The following DYSF variants were observed in gnomAD, a reference collection of about 807,000 sequenced individuals.
DYSF encodes dystrophy-associated fer-1-like 1.
In DYSF, 212 loss-of-function variants were observed where a neutral mutation model predicts 274.9. The observed-to-expected ratio is 0.77, with a 90% confidence interval of 0.69 to 0.86. DYSF has a LOEUF of 0.86. Among genes scored for constraint, DYSF ranks in the 40% least tolerant of loss-of-function variants. The probability of loss-of-function intolerance (pLI) is 0.00; values close to 1 mark genes in which losing one functional copy is unlikely to be tolerated. For synonymous variants in DYSF, 1,091 were observed against 1,078.7 expected (o/e 1.01, Z -0.22); for missense variants, 2,666 against 2,783.2 (o/e 0.96, Z 0.95).
intron 41 of DYSF, among the ~76,000 whole-genome samples, chr2:71,622,005 C>T (rs540892390): frequency 7.9e-5 from 12 of 151,082 alleles, no homozygotes; most frequent in Admixed American, 6.0e-4. Flanking sequence ...CATGAACATT[C>T]GTAAACTTTT....
rs1168418060 is a variant in DYSF, at chr2:71,679,169, T to C, written c.5997T>C (p.Phe1999=). 1 of 1,614,098 alleles carries C rather than the reference T, an allele frequency of 6.2e-7. No homozygotes were observed. Residue 1999 remains phenylalanine, a synonymous_variant, in exon 53 of 56, where the codon TTT becomes TTC. Transcript: ENST00000410020. The part of the protein sequence containing the change: ...AFHPEWFVSL[F]EQKTVKGWWP... ...ACCCAGAATGGTTTGTGTCCCTTTT[T>C]GAGCAGAAAACAGTGAAGGGCTGGT...
chr2:71,656,148 C>A lies in DYSF; in HGVS notation c.4627-14C>A. ...CTGTCTCTTGTCCCCTCCTCTAATC[C>A]CCATGTGTGGCAGGTCTATGACACA... On this transcript the variant is annotated splice_polypyrimidine_tract_variant and intron_variant, in intron 42 of 55. Transcript: ENST00000410020. 6.2e-7 allele frequency: 1 copy of A among 1,614,010 alleles called. No individual in the cohort carries two copies. Among genetic ancestry groups the A allele is most frequent in the Non-Finnish European group, 8.5e-7 (1 of 1,179,982 alleles).
At chr2:71,470,777 C>CTTCCTTCA (rs1382927776) in intron 1 of DYSF, among the ~76,000 whole-genome samples, 1 of 125,586 alleles carries the variant, frequency 8.0e-6, no homozygotes, top group Non-Finnish European at 1.6e-5. Context: ...TCCTTCCTTC[C>CTTCCTTCA]TTCCTTCATT....
chr2:71,578,028 T>G (rs891764379), intron 30 of DYSF, among the ~76,000 whole-genome samples: 11 of 152,316 alleles, frequency 7.2e-5, no homozygotes, highest in Admixed American at 6.5e-4. Flanking sequence ...ACCTCACTCG[T>G]GCAAGTAACT....
intron 11 of DYSF, 78 bp from the exon 12 acceptor site, chr2:71,520,711 C>A: frequency 7.9e-7 from 1 of 1,261,776 alleles, no homozygotes; most frequent in South Asian, 1.2e-5. Flanking sequence ...CCTGTGCAGT[C>A]CATCCTGGGT....
intron 21 of DYSF, among the ~76,000 whole-genome samples, chr2:71,554,491 G>A (rs1656333474): frequency 6.6e-6 from 1 of 152,076 alleles, no homozygotes; most frequent in Non-Finnish European, 1.5e-5. Flanking sequence ...CATCAGGAAG[G>A]CATCATAGGC....
At chr2:71,551,523 C>A in intron 18 of DYSF, 84 bp from the exon 19 acceptor site, 1 of 1,195,672 alleles carries the variant, frequency 8.4e-7, no homozygotes, top group Non-Finnish European at 1.2e-6. Flanking sequence ...GAGAGATGAG[C>A]TACCTCAGGG....
chr2:71,549,991 G>C (rs2090811665), intron 17 of DYSF, among the ~76,000 whole-genome samples: 1 of 152,134 alleles, frequency 6.6e-6, no homozygotes, highest in South Asian at 2.1e-4. Context: ...TCCCTGTCCT[G>C]GCCCCTTCCT....
intron 42 of DYSF, 64 bp downstream of exon 42, chr2:71,644,127 C>A: frequency 7.6e-7 from 1 of 1,324,074 alleles, no homozygotes; most frequent in Non-Finnish European, 1.1e-6. Flanking sequence ...GGAGACACAA[C>A]AGAAAGAGAG....
intron 52 of DYSF, among the ~76,000 whole-genome samples, chr2:71,677,035 T>C (rs565551939): frequency 6.6e-6 from 1 of 152,146 alleles, no homozygotes; most frequent in South Asian, 2.1e-4. Context: ...ACTGGAGGGA[T>C]GGAGAAATAT....
intron 16 of DYSF, among the ~76,000 whole-genome samples, chr2:71,538,327 G>T (rs1010837802): frequency 2.0e-5 from 3 of 152,196 alleles, no homozygotes; most frequent in Admixed American, 2.0e-4. Flanking sequence ...CATAGGATGT[G>T]GTTGGCTAAT....
chr2:71,553,747 A>C (rs1573947436), intron 20 of DYSF, 60 bp from the exon 21 acceptor site: 4 of 872,710 alleles, frequency 4.6e-6, no homozygotes, highest in African/African-American at 1.7e-5. Context: ...CACTCTTAGC[A>C]CCCCATCCCA....
chr2:71,508,397 TTTG>T (rs1318721825), intron 4 of DYSF, among the ~76,000 whole-genome samples: 2 of 152,230 alleles, frequency 1.3e-5, no homozygotes, highest in African/African-American at 4.8e-5. Flanking sequence ...CCCAGTGTCC[TTTG>T]TAGCAGAAGG....
chr2:71,673,374 G>A (rs562926121), intron 51 of DYSF, among the ~76,000 whole-genome samples: 2 of 152,314 alleles, frequency 1.3e-5, no homozygotes, highest in Admixed American at 6.5e-5. Flanking sequence ...TGTTCCAGGC[G>A]AGCTGGTCTG....
Position 71,620,573 on chromosome 2 carries a change from C to A in DYSF, c.4491C>A (p.Ala1497=). Residue 1497 remains alanine (A), a synonymous_variant, in exon 41 of 56, where the codon GCC becomes GCA. Coordinates refer to ENST00000410020, the MANE Select transcript of DYSF (RefSeq NM_001130987.2). ...TTGCAGACGGTCTGTCGAGCTTGGC[C>A]CCCACTAACACGGCTTCTCCTCCAT... ...IQLADGLSSL[A]PTNTASPPSS... The A allele has an allele frequency of 6.4e-7, 1 of 1,551,660 alleles. No individual in the cohort carries two copies. The highest frequency in any genetic ancestry group is 8.7e-7 in the Non-Finnish European group (1 of 1,146,998).
At position 71,513,912 on chromosome 2, in the gene DYSF, GGATTTCCAGGT is replaced by G. The variant is rs1433612344; in HGVS notation, c.754_759+5del. ...GAAAGCTGCTGTCAGACAAACCGCA[GGATTTCCAGGT>G]GATGAACGGGCTTTCTCTGACCCCA... is the stretch of plus-strand genomic sequence containing the variant. On this transcript the variant is annotated splice_donor_variant and coding_sequence_variant, in exon 7 of 56. Transcript: ENST00000410020. LOFTEE classifies it high-confidence loss of function. The G allele has an allele frequency of 1.9e-6, 3 of 1,614,102 alleles. No homozygotes were observed. The African/African-American group carries it at 4.0e-5, about 22-fold the overall frequency.
chr2:71,464,796 G>A (rs1464003345), upstream of DYSF, among the ~76,000 whole-genome samples: 1 of 152,228 alleles, frequency 6.6e-6, no homozygotes, highest in Non-Finnish European at 1.5e-5. Flanking sequence ...GGGGACAAGG[G>A]CAGAGCAGGA....
At chr2:71,618,598 AGAGGTGGTGGGTG>A (rs2094002047) in intron 40 of DYSF, among the ~76,000 whole-genome samples, 1 of 47,328 alleles carries the variant, frequency 2.1e-5, no homozygotes, top group Non-Finnish European at 5.5e-5. Context: ...TGTGTGTGGT[AGAGGTGGTGGGTG>A]TGGTAGAGGT....
intron 55 of DYSF, among the ~76,000 whole-genome samples, chr2:71,685,004 C>T (rs1485077804): frequency 6.6e-6 from 1 of 152,232 alleles, no homozygotes; most frequent in East Asian, 1.9e-4. Context: ...AGTGGCATCA[C>T]CACCACCCAT....
Sources: allele counts gnomAD v4.1 joint callset (sites outside exome capture counted in the v4.1 genomes callset), GRCh38; gene constraint gnomAD v4.1.1; transcripts MANE v1.5; gene names NCBI Gene and HGNC (gene_info 2026-07-23, HGNC 2026-07-21).